Variants in DLGAP1 observed in about 807,000 individuals in gnomAD.
DLGAP1 encodes DLG associated protein 1.
Under a neutral mutation model 90.8 loss-of-function variants are expected in DLGAP1, and 11 were observed. The ratio of observed to expected loss-of-function variants is 0.12; its 90% confidence interval spans 0.08 to 0.20. The LOEUF is 0.20. Ranked by LOEUF, DLGAP1 falls within the 10% of genes least tolerant of loss-of-function variation. The pLI is 1.00. For synonymous variants in DLGAP1, 558 were observed against 540.7 expected, an observed-to-expected ratio of 1.03 and a Z score of -0.44; for missense variants, 1,050 against 1,333.8, an observed-to-expected ratio of 0.79 and a Z score of 3.31.
chr18:4,088,658 T>C (rs778025611), intron 2 of DLGAP1, among the ~76,000 whole-genome samples: 11 of 152,184 alleles, frequency 7.2e-5, no homozygotes, highest in Non-Finnish European at 1.2e-4. Flanking sequence ...ACCTGAATTC[T>C]GAGTTGATTT....
chr18:3,777,822 C>G (rs1187404633), intron 5 of DLGAP1, among the ~76,000 whole-genome samples: 2 of 152,116 alleles, frequency 1.3e-5, no homozygotes, highest in African/African-American at 4.8e-5. Flanking sequence ...GAATTGGCCC[C>G]CTGACCCCTC....
intron 1 of DLGAP1, among the ~76,000 whole-genome samples, chr18:4,269,354 A>ATATAT (rs1247401948): frequency 4.5e-5 from 6 of 132,112 alleles, no homozygotes; most frequent in East Asian, 4.3e-4. Flanking sequence ...ATATATATAT[A>ATATAT]TTTTTTTTTT....
intron 7 of DLGAP1, among the ~76,000 whole-genome samples, chr18:3,652,280 G>C (rs141155953): frequency 6.6e-6 from 1 of 152,088 alleles, no homozygotes; most frequent in Admixed American, 6.6e-5. Context: ...TCCCTTTGGG[G>C]TGTTTTTGGA....
intron 1 of DLGAP1, among the ~76,000 whole-genome samples, chr18:4,181,939 C>G (rs1454086833): frequency 6.6e-6 from 1 of 152,120 alleles, no homozygotes; most frequent in African/African-American, 2.4e-5. Context: ...CAATCTGTAG[C>G]ACTAAGTGCA....
intron 1 of DLGAP1, among the ~76,000 whole-genome samples, chr18:4,268,733 C>T (rs2079187214): frequency 6.6e-6 from 1 of 152,054 alleles, no homozygotes; most frequent in South Asian, 2.1e-4. Context: ...ACTTGAAATA[C>T]TCCATAAATA....
In DLGAP1 at chr18:3,675,479, T is replaced by C. The variant is rs111637233; in HGVS notation, c.1591+53656A>G. Among the ~76,000 whole-genome samples the C allele has an allele frequency of 9.2e-3, 1,397 of 152,352 alleles. 24 individuals carry two copies. Among genetic ancestry groups the C allele is most frequent in the African/African-American group, 0.031 (1,297 of 41,578 alleles). The stretch of plus-strand genomic sequence containing the variant: ...AGCAACATCTGTTTGATGGCACAGC[T>C]TTGGGTGGAAGTGTTTGGATTCTAA... On this transcript the variant is annotated intron_variant, in intron 7 of 12. Coordinates refer to ENST00000315677, the MANE Select transcript of DLGAP1 (RefSeq NM_004746.4).
chr18:4,064,457 A>C (rs1009883569), intron 2 of DLGAP1, among the ~76,000 whole-genome samples: 14 of 152,034 alleles, frequency 9.2e-5, no homozygotes, highest in Non-Finnish European at 1.6e-4. Flanking sequence ...CGAGACCAAC[A>C]AAGAAAAAAA....
At chr18:3,646,789 G>T (rs950201861) in intron 7 of DLGAP1, among the ~76,000 whole-genome samples, 18 of 151,912 alleles carry the variant, frequency 1.2e-4, no homozygotes, top group Admixed American at 5.2e-4. Context: ...GCCGGGCGTG[G>T]TGGTGGGCGC....
intron 1 of DLGAP1, among the ~76,000 whole-genome samples, chr18:4,382,432 C>G (rs2144330914): frequency 6.7e-6 from 1 of 149,378 alleles, no homozygotes; most frequent in East Asian, 2.0e-4. Flanking sequence ...TAAGAAAAAT[C>G]TACTAATTGA....
At chr18:4,302,508 T>G (rs796908565) in intron 1 of DLGAP1, among the ~76,000 whole-genome samples, 5 of 144,050 alleles carry the variant, frequency 3.5e-5, no homozygotes, top group African/African-American at 1.3e-4. Context: ...TGTGTATTTT[T>G]AAATTTTTTT....
At chr18:4,119,734 G>A (rs1462550757) in intron 2 of DLGAP1, among the ~76,000 whole-genome samples, 1 of 152,118 alleles carries the variant, frequency 6.6e-6, no homozygotes, top group East Asian at 1.9e-4. Context: ...TCTGGAGTAG[G>A]AGCTTATCTA....
At chr18:4,056,615 G>A (rs1483467237) in intron 2 of DLGAP1, among the ~76,000 whole-genome samples, 1 of 152,126 alleles carries the variant, frequency 6.6e-6, no homozygotes, top group East Asian at 1.9e-4. Flanking sequence ...GTCAAGGACT[G>A]TTACTTCATC....
chr18:3,635,959 C>T (rs2058699839), intron 7 of DLGAP1, among the ~76,000 whole-genome samples: 1 of 151,528 alleles, frequency 6.6e-6, no homozygotes, highest in Non-Finnish European at 1.5e-5. Context: ...CATTCACTGG[C>T]TTAAAGATCT....
In DLGAP1 at chr18:3,791,673, G is replaced by A. The variant is rs150268417; in HGVS notation, c.1172+22386C>T. Among the ~76,000 whole-genome samples, 141 of 152,280 alleles carry A rather than the reference G, an allele frequency of 9.3e-4. 1 individual carries two copies. In the East Asian group the frequency reaches 0.02, roughly 22 times the overall value. ...TTATACACAGTCATGTATTTTATGTGAATTAAAATGTATTTTCCTAGAGAG... is the reference window on the plus strand; with the variant it reads ...TTATACACAGTCATGTATTTTATGTAAATTAAAATGTATTTTCCTAGAGAG... On this transcript the variant is annotated intron_variant, in intron 5 of 12. Coordinates refer to ENST00000315677, the MANE Select transcript of DLGAP1 (RefSeq NM_004746.4).
chr18:3,595,180 A>G (rs2056508939), intron 7 of DLGAP1, among the ~76,000 whole-genome samples: 1 of 152,302 alleles, frequency 6.6e-6, no homozygotes, highest in South Asian at 2.1e-4. Context: ...ACCCATTGAG[A>G]GGCGGGCACC....
chr18:3,698,629 T>G (rs1181958347), intron 7 of DLGAP1, among the ~76,000 whole-genome samples: 1 of 152,146 alleles, frequency 6.6e-6, no homozygotes, highest in Admixed American at 6.5e-5. Flanking sequence ...TTGGGGTTGC[T>G]CTTCTTGAGG....
rs6146196 is a variant in DLGAP1, at chr18:4,079,287, T to TCACACA, written c.-159+71887_-159+71892dup. ...AGCCAATGAGTAGATAAAGAAAATG[T>TCACACA]CACACACACACACACACACACACAC... On this transcript the variant is annotated intron_variant, in intron 2 of 12. Coordinates refer to ENST00000315677, the MANE Select transcript of DLGAP1 (RefSeq NM_004746.4). Among the ~76,000 whole-genome samples, 868 of 142,566 alleles carry TCACACA rather than the reference T, an allele frequency of 6.1e-3. 4 individuals carry two copies. Among genetic ancestry groups the TCACACA allele is most frequent in the South Asian group, 0.013 (55 of 4,088 alleles). The allele number at this position is 142,566 out of a possible 152,430, so 93.5% of individuals were successfully genotyped here.
intron 7 of DLGAP1, among the ~76,000 whole-genome samples, chr18:3,633,246 GA>G (rs905208552): frequency 6.6e-6 from 1 of 151,838 alleles, no homozygotes; most frequent in Non-Finnish European, 1.5e-5. Flanking sequence ...AAATACAAAA[GA>G]AAAAAATCAG....
At chr18:3,747,584 G>C (rs2063323722) in intron 5 of DLGAP1, among the ~76,000 whole-genome samples, 1 of 152,180 alleles carries the variant, frequency 6.6e-6, no homozygotes, top group Admixed American at 6.5e-5. Context: ...GCAGTGACGG[G>C]AGTGGCTGTT....
Sources: gnomAD v4.1 joint callset for allele counts (sites outside exome capture counted in the v4.1 genomes callset) on GRCh38, gnomAD v4.1.1 for gene constraint, MANE v1.5 for transcripts, NCBI Gene and HGNC (gene_info 2026-07-23, HGNC 2026-07-21) for gene names.